Variants in IL1RAPL2 observed in about 807,000 individuals in gnomAD.
IL1RAPL2 encodes interleukin 1 receptor accessory protein like 2, also known as X-linked interleukin-1 receptor accessory protein-like 2.
In IL1RAPL2, 3 loss-of-function variants were observed where a neutral mutation model predicts 44.1. The observed-to-expected ratio is 0.07, with a 90% CI of 0.03 to 0.18. The LOEUF is 0.18. Among genes scored for constraint, IL1RAPL2 ranks in the 10% least tolerant of loss-of-function variants. The pLI is 1.00. For missense variants in IL1RAPL2, 391 were observed against 496.4 expected, an observed-to-expected ratio of 0.79 and a Z score of 2.02; for synonymous variants, 181 against 178.8, an observed-to-expected ratio of 1.01 and a Z score of -0.10.
chrX:105,198,395 AC>A (rs1412520788), intron 3 of IL1RAPL2, among the ~76,000 whole-genome samples: 35 of 112,002 alleles, frequency 3.1e-4, no homozygotes, highest in African/African-American at 9.7e-4. Flanking sequence ...TTTTGTCCCT[AC>A]AAAAGGCGCT....
chrX:105,085,511 A>G (rs1341233465), intron 2 of IL1RAPL2, among the ~76,000 whole-genome samples: 1 of 112,713 alleles, frequency 8.9e-6, no homozygotes, highest in African/African-American at 3.2e-5. Flanking sequence ...ACTATAAAAA[A>G]GGTGAAAGAT....
chrX:104,958,145 T>G (rs2029935690), intron 2 of IL1RAPL2, among the ~76,000 whole-genome samples: 1 of 111,450 alleles, frequency 9.0e-6, no homozygotes, highest in Admixed American at 9.5e-5. Context: ...TTGAAATTCT[T>G]AATAAGTTTT....
chrX:105,532,674 C>G (rs1174039147), intron 6 of IL1RAPL2, among the ~76,000 whole-genome samples: 1 of 110,371 alleles, frequency 9.1e-6, no homozygotes, highest in Non-Finnish European at 1.9e-5. Context: ...TTATACCTTT[C>G]CTTATCCCTT....
intron 6 of IL1RAPL2, among the ~76,000 whole-genome samples, chrX:105,500,219 C>A (rs1243056285): frequency 9.0e-6 from 1 of 110,529 alleles, no homozygotes; most frequent in Non-Finnish European, 1.9e-5. Flanking sequence ...TATAGAGTTT[C>A]AGTCATGCTA....
At chrX:105,701,456 C>A (rs1337547540) in intron 6 of IL1RAPL2, among the ~76,000 whole-genome samples, 1 of 111,194 alleles carries the variant, frequency 9.0e-6, no homozygotes, top group East Asian at 2.9e-4. Context: ...TAATATATTG[C>A]GACATTGAAT....
intron 2 of IL1RAPL2, among the ~76,000 whole-genome samples, chrX:104,984,279 G>GA (rs2030519518): frequency 9.0e-6 from 1 of 111,167 alleles, no homozygotes. Context: ...ATTTAATTGA[G>GA]AAAAAAATAC....
At chrX:105,360,371 T>G (rs1192620345) in intron 5 of IL1RAPL2, among the ~76,000 whole-genome samples, 1 of 111,848 alleles carries the variant, frequency 8.9e-6, no homozygotes, top group Non-Finnish European at 1.9e-5. Flanking sequence ...TTATTGAGTC[T>G]TACTGTGTGC....
intron 2 of IL1RAPL2, among the ~76,000 whole-genome samples, chrX:105,040,815 C>T (rs2031719813): frequency 9.5e-6 from 1 of 105,113 alleles, no homozygotes; most frequent in African/African-American, 3.6e-5. Flanking sequence ...TTTGTTGATC[C>T]TTTCAAAAAA....
chrX:104,742,488 A>T (rs1357789961), intron 2 of IL1RAPL2, among the ~76,000 whole-genome samples: 1 of 111,724 alleles, frequency 9.0e-6, no homozygotes, highest in Non-Finnish European at 1.9e-5. Context: ...ATTTATTTGG[A>T]ATTTCACAAT....
chrX:105,205,544 T>A (rs151233385), intron 3 of IL1RAPL2, among the ~76,000 whole-genome samples: 300 of 82,114 alleles, frequency 3.7e-3, no homozygotes, highest in Middle Eastern at 8.0e-3. Context: ...GAGCTGAGAC[T>A]GCGCCACGGC....
chrX:105,219,135 G>T, intron 3 of IL1RAPL2: 1 of 1,211,270 alleles, frequency 8.3e-7, no homozygotes, highest in Non-Finnish European at 1.1e-6. Flanking sequence ...GCTCCTGATG[G>T]TCTATTCTGT....
chrX:104,988,990 T>C (rs1297210524), intron 2 of IL1RAPL2, among the ~76,000 whole-genome samples: 2 of 111,948 alleles, frequency 1.8e-5, no homozygotes, highest in Non-Finnish European at 3.8e-5. Flanking sequence ...TTTTTATATA[T>C]GGATACTTCA....
At chrX:105,720,602 G>A (rs998655299) in intron 7 of IL1RAPL2, among the ~76,000 whole-genome samples, 1 of 111,252 alleles carries the variant, frequency 9.0e-6, no homozygotes, top group Non-Finnish European at 1.9e-5. Flanking sequence ...CTATTCACCT[G>A]TTGATGGACG....
intron 6 of IL1RAPL2, among the ~76,000 whole-genome samples, chrX:105,527,324 T>A (rs2036601032): frequency 9.0e-6 from 1 of 111,055 alleles, no homozygotes; most frequent in African/African-American, 3.3e-5. Flanking sequence ...TCTATGTGAA[T>A]CAGTGTCTCT....
At chrX:104,797,557 C>G (rs1222276424) in intron 2 of IL1RAPL2, among the ~76,000 whole-genome samples, 3 of 111,866 alleles carry the variant, frequency 2.7e-5, no homozygotes, top group Non-Finnish European at 5.6e-5. Context: ...GTAAAGGAAT[C>G]TGTTTAACTT....
At chrX:105,041,515 C>T (rs909852145) in intron 2 of IL1RAPL2, among the ~76,000 whole-genome samples, 1 of 109,475 alleles carries the variant, frequency 9.1e-6, no homozygotes, top group Non-Finnish European at 1.9e-5. Context: ...TGGGAGTCTA[C>T]CAAGGGACGT....
At chrX:105,401,121 G>A (rs1193162838) in intron 5 of IL1RAPL2, among the ~76,000 whole-genome samples, 2 of 111,439 alleles carry the variant, frequency 1.8e-5, no homozygotes, top group African/African-American at 6.5e-5. Context: ...TCACTCATGA[G>A]GGTGAAACCT....
intron 2 of IL1RAPL2, among the ~76,000 whole-genome samples, chrX:104,894,640 G>T (rs373122830): frequency 1.8e-5 from 2 of 111,743 alleles, no homozygotes; most frequent in East Asian, 2.8e-4. Flanking sequence ...GCTCCATCAG[G>T]TCATTTAAGG....
At chrX:105,738,245 T>C (rs1212777845) in intron 7 of IL1RAPL2, among the ~76,000 whole-genome samples, 1 of 112,311 alleles carries the variant, frequency 8.9e-6, no homozygotes, top group Non-Finnish European at 1.9e-5. Flanking sequence ...CATAGTGCTG[T>C]TTACTTTTCA....
Sources: gnomAD v4.1 joint callset for allele counts (sites outside exome capture counted in the v4.1 genomes callset) on GRCh38, gnomAD v4.1.1 for gene constraint, MANE v1.5 for transcripts, NCBI Gene and HGNC (gene_info 2026-07-23, HGNC 2026-07-21) for gene names.